ELOB: variants seen among roughly 807,000 people sequenced by gnomAD.
The protein encoded by ELOB is elongin-B.
Under a neutral mutation model 12.9 loss-of-function variants are expected in ELOB, and 3 were observed. That is an observed-to-expected ratio of 0.23 (90% confidence interval 0.11 to 0.60). ELOB has a LOEUF of 0.60. Ranked by LOEUF, ELOB falls within the 20% of genes least tolerant of loss-of-function variation. ELOB has a pLI of 0.89. For missense variants in ELOB, 126 were observed against 159.2 expected, an observed-to-expected ratio of 0.79 and a Z score of 1.12; for synonymous variants, 84 against 67.4, an observed-to-expected ratio of 1.25 and a Z score of -1.21.
At chr16:2,776,885 G>T in intron 2 of ELOB, 108 bp downstream of exon 2, 1 of 1,392,478 alleles carries the variant, frequency 7.2e-7, no homozygotes. Flanking sequence ...CGGCTCGGGC[G>T]CCCGCAGGCG....
intron 3 of ELOB, 29 bp from the exon 4 acceptor site, chr16:2,772,131 G>A (rs201713798): frequency 2.6e-5 from 41 of 1,559,516 alleles, no homozygotes; most frequent in Non-Finnish European, 3.1e-5. Context: ...AGCTGCAGGG[G>A]GGTATTCCAG....
rs1157105255 is a variant in ELOB, at chr16:2,775,434, G to A, written c.244+17C>T. 5.1e-6 allele frequency: 8 copies of A among 1,576,234 alleles called. No homozygotes were observed. Among genetic ancestry groups the A allele is most frequent in the Middle Eastern group, 2.3e-4 (1 of 4,416 alleles). ...TGCTTGGCTACCACCCAGCCCAGTG[G>A]GTGGTGGGCCTCTCACCTGCCCGGA... is the stretch of plus-strand genomic sequence containing the variant. On this transcript the variant is annotated intron_variant, in intron 3 of 3. Transcript: ENST00000409906.
intron 2 of ELOB, among the ~76,000 whole-genome samples, chr16:2,775,951 C>G (rs868723083): frequency 6.6e-6 from 1 of 152,104 alleles, no homozygotes; most frequent in African/African-American, 2.4e-5. Context: ...CCAACATAAG[C>G]GCTATCATAG....
Position 2,771,899 on chromosome 16 carries a change from AC to A in ELOB, c.*90del. ...CCAAAAGGAGCCCACAGGGAGTGGG[AC>A]CCATCCCAGGGAGGGGCGGGAAAAA... is the stretch of plus-strand genomic sequence containing the variant. On this transcript the variant is annotated 3_prime_UTR_variant, in exon 4 of 4. Transcript: ENST00000409906. The A allele has an allele frequency of 1.3e-6, 2 of 1,513,266 alleles. No homozygotes were observed. The highest frequency in any genetic ancestry group is 2.1e-5 in the Admixed American group (1 of 47,590). The allele number at this position is 1,513,266 out of a possible 1,614,324, so 93.7% of individuals were successfully genotyped here. A position where few individuals can be genotyped will look rare whatever the true frequency, so the allele number is the denominator to read the frequency against.
Position 2,777,278 on chromosome 16 carries a change from C to A in ELOB, c.-39G>T, listed in dbSNP as rs1236253523. The A allele has an allele frequency of 9.9e-7, 1 of 1,014,222 alleles. No homozygotes were observed. The highest frequency in any genetic ancestry group is 1.2e-6 in the Non-Finnish European group (1 of 850,268). The allele number at this position is 1,014,222 out of a possible 1,614,324, so 62.8% of individuals were successfully genotyped here. ...TCTCCCCTCGACGCGCCGGCGCAGCCGCGCTCCGCCCCGTTCCCGGCAGCC... is the reference window on the plus strand; with the variant it reads ...TCTCCCCTCGACGCGCCGGCGCAGCAGCGCTCCGCCCCGTTCCCGGCAGCC... On this transcript the variant is annotated 5_prime_UTR_variant, in exon 1 of 4. Transcript: ENST00000409906.
Position 2,771,428 on chromosome 16 carries a change from G to C in ELOB, c.*562C>G, listed in dbSNP as rs1567254138. On this transcript the variant is annotated 3_prime_UTR_variant, in exon 4 of 4. Transcript: ENST00000409906. ...AATGCAGGAACTGGGTCTGTAGACT[G>C]TTTATTAAAGGTGTGTTAAGGGGGC... 1 of 1,613,784 alleles carries C rather than the reference G, an allele frequency of 6.2e-7. No individual in the cohort carries two copies. The highest frequency in any genetic ancestry group is 1.1e-5 in the South Asian group (1 of 91,074).
intron 3 of ELOB, among the ~76,000 whole-genome samples, chr16:2,772,771 C>A (rs1373075718): frequency 6.6e-6 from 1 of 152,064 alleles, no homozygotes; most frequent in East Asian, 1.9e-4. Flanking sequence ...CCAGTGGCTT[C>A]CCATCATGAC....
chr16:2,774,708 A>C (rs1261011554), intron 3 of ELOB, among the ~76,000 whole-genome samples: 1 of 152,256 alleles, frequency 6.6e-6, no homozygotes, highest in Non-Finnish European at 1.5e-5. Context: ...CCTCTCTTCA[A>C]GTTCCTAGAG....
At position 2,777,120 on chromosome 16, in the gene ELOB, A is replaced by G; in HGVS notation, c.11T>C (p.Phe4Ser). 1 of 1,573,816 alleles carries G rather than the reference A, an allele frequency of 6.4e-7. No individual in the cohort carries two copies. The highest frequency in any genetic ancestry group is 8.6e-7 in the Non-Finnish European group (1 of 1,161,664). The change falls in exon 2 of 4, where the codon TTC becomes TCC. Residue 4 changes from phenylalanine to serine, a missense_variant. Transcript: ENST00000409906. MDV[F>S]LMIRRHKTTI... is the part of the protein sequence containing the mutation. ...GGTCTTGTGGCGCCGGATCATGAGG[A>G]ACACGTCCTGGGGGCGGCGGGCCGG...
At chr16:2,776,215 T>A (rs2068799119) in intron 2 of ELOB, among the ~76,000 whole-genome samples, 1 of 152,188 alleles carries the variant, frequency 6.6e-6, no homozygotes, top group African/African-American at 2.4e-5. Flanking sequence ...CACGGTCATT[T>A]AATATTTGCT....
chr16:2,774,971 T>A (rs2068790448), intron 3 of ELOB, among the ~76,000 whole-genome samples: 1 of 152,122 alleles, frequency 6.6e-6, no homozygotes, highest in South Asian at 2.1e-4. Context: ...TGCAGAGGGT[T>A]TCGGTGATAC....
chr16:2,772,983 A>AC (rs1052255212), intron 3 of ELOB, among the ~76,000 whole-genome samples: 4 of 151,834 alleles, frequency 2.6e-5, no homozygotes, highest in African/African-American at 9.7e-5. Context: ...CAGTCCACGC[A>AC]CCCCCAAAAG....
At chr16:2,772,711 A>G (rs948473340) in intron 3 of ELOB, among the ~76,000 whole-genome samples, 1 of 151,984 alleles carries the variant, frequency 6.6e-6, no homozygotes, top group South Asian at 2.1e-4. Flanking sequence ...TCTCAAAAAA[A>G]AAAAATCAAA....
In ELOB at chr16:2,773,564, G is replaced by C. The variant is rs149048226; in HGVS notation, c.245-1462C>G. Among the ~76,000 whole-genome samples the C allele has an allele frequency of 2.0e-5, 3 of 152,272 alleles. No homozygotes were observed. The East Asian group carries it at 5.8e-4, about 29-fold the overall frequency. ...CCCATTCAAGGCCTGGGAACAACAT[G>C]ATGATGGGTTGAGCTGCACCCAGAA... On this transcript the variant is annotated intron_variant, in intron 3 of 3. Transcript: ENST00000409906.
At position 2,772,984 on chromosome 16, in the gene ELOB, C is replaced by T. The variant is rs913485110; in HGVS notation, c.245-882G>A. Among the ~76,000 whole-genome samples the T allele has an allele frequency of 4.6e-5, 7 of 152,264 alleles. No individual in the cohort carries two copies. The Middle Eastern group carries it at 0.01, about 223-fold the overall frequency. ...CTCAGATGAACCTCCAGTCCACGCA[C>T]CCCCAAAAGTCAAGACATCCTGACA... On this transcript the variant is annotated intron_variant, in intron 3 of 3. Transcript: ENST00000409906.
rs556864227 is a variant in ELOB, at chr16:2,771,791, T to C, written c.*199A>G. On this transcript the variant is annotated 3_prime_UTR_variant, in exon 4 of 4. Transcript: ENST00000409906. ...GCAACCCAGGTCCCCATGGTGCCTT[T>C]AAGCAGCAGGCTGGGCCAAGTTCTC... is the stretch of plus-strand genomic sequence containing the variant. 6.9e-4 allele frequency: 998 copies of C among 1,456,912 alleles called. 3 individuals are homozygous for C. The highest frequency in any genetic ancestry group is 2.3e-3 in the Middle Eastern group (9 of 3,934). The allele number at this position is 1,456,912 out of a possible 1,614,324, so 90.2% of individuals were successfully genotyped here. A position where few individuals can be genotyped will look rare whatever the true frequency, so the allele number is the denominator to read the frequency against.
At chr16:2,772,168 T>G in intron 3 of ELOB, 66 bp from the exon 4 acceptor site, 1 of 1,483,856 alleles carries the variant, frequency 6.7e-7, no homozygotes, top group Admixed American at 2.4e-5. Context: ...GGCCTTGGTG[T>G]TCACGTGTGA....
At chr16:2,774,022 G>A (rs1006636413) in intron 3 of ELOB, among the ~76,000 whole-genome samples, 2 of 152,198 alleles carry the variant, frequency 1.3e-5, no homozygotes, top group Non-Finnish European at 2.9e-5. Context: ...CTGAGGTCAG[G>A]AGATTGAGAC....
chr16:2,773,261 G>A (rs2068778954), intron 3 of ELOB, among the ~76,000 whole-genome samples: 1 of 152,200 alleles, frequency 6.6e-6, no homozygotes, highest in African/African-American at 2.4e-5. Context: ...GGGAGGTGGG[G>A]TGCCCCAGCG....
Sources: gnomAD v4.1 joint callset for allele counts (sites outside exome capture counted in the v4.1 genomes callset) on GRCh38, gnomAD v4.1.1 for gene constraint, MANE v1.5 for transcripts, NCBI Gene and HGNC (gene_info 2026-07-23, HGNC 2026-07-21) for gene names.